The following ARMC7 variants were observed in gnomAD, a reference collection of about 807,000 sequenced individuals.
ARMC7 encodes armadillo repeat-containing protein 7.
ARMC7 carries 9 observed loss-of-function variants against 14.8 expected under a neutral mutation model. The ratio of observed to expected loss-of-function variants is 0.61; its 90% CI spans 0.37 to 1.06. ARMC7 has a LOEUF of 1.06. ARMC7 is among the 50% of genes least tolerant of loss of function. ARMC7 has a pLI of 0.01. For synonymous variants in ARMC7, 125 were observed against 123.4 expected (o/e 1.01, Z -0.09); for missense variants, 262 against 267.1 (o/e 0.98, Z 0.13).
In ARMC7 at chr17:75,128,764, C is replaced by A. The variant is rs777603204; in HGVS notation, c.323C>A (p.Ser108Tyr). The stretch of plus-strand genomic sequence containing the variant: ...GTCCCACTCATCATCAACTGCCTAT[C>A]CAGCCCCAATGAGGAGACGGTGCTG... ...GGVPLIINCL[S>Y]SPNEETVLSA... Residue 108 changes from serine to tyrosine, a missense_variant, in exon 3 of 3, where the codon TCC (serine) becomes TAC (tyrosine). Coordinates refer to ENST00000245543, the MANE Select transcript of ARMC7 (RefSeq NM_024585.4). 8 of 1,613,628 alleles carry A rather than the reference C, an allele frequency of 5.0e-6. No homozygotes were observed. The South Asian group carries it at 8.8e-5, about 18-fold the overall frequency.
rs150699573 is a variant in ARMC7 at position 75,117,950 on chromosome 17, G to A, written c.235+7344G>A. ...AGCCTGGCCAACATGGTGAAACCCC[G>A]TCTCTACTAAAAATACAAAATCTAG... On this transcript the variant is annotated intron_variant, in intron 2 of 2. Transcript: ENST00000245543. Among the ~76,000 whole-genome samples, 252 of 151,928 alleles carry A rather than the reference G, an allele frequency of 1.7e-3. 1 individual carries two copies. Among genetic ancestry groups the A allele is most frequent in the African/African-American group, 5.8e-3 (242 of 41,430 alleles).
At chr17:75,112,106 A>G (rs953911842) in intron 2 of ARMC7, among the ~76,000 whole-genome samples, 10 of 152,030 alleles carry the variant, frequency 6.6e-5, no homozygotes, top group Admixed American at 5.9e-4. Flanking sequence ...GGGACACAGC[A>G]TGGGCAAAGG....
chr17:75,114,690 T>C, intron 2 of ARMC7: 1 of 398,368 alleles, frequency 2.5e-6, no homozygotes, highest in Non-Finnish European at 4.4e-6. Context: ...TCCCAACCAT[T>C]TTTTTCCTCC....
At chr17:75,114,415 C>T in intron 2 of ARMC7, 2 of 395,300 alleles carry the variant, frequency 5.1e-6, no homozygotes, top group Non-Finnish European at 8.9e-6. Flanking sequence ...GCTATGGGGG[C>T]GGCGTGGGCC....
At chr17:75,114,286 G>A in intron 2 of ARMC7, 1 of 400,992 alleles carries the variant, frequency 2.5e-6, no homozygotes, top group Non-Finnish European at 4.4e-6. Context: ...ATTGGCGGAA[G>A]TCACAGAGCA....
intron 2 of ARMC7, among the ~76,000 whole-genome samples, chr17:75,124,385 AC>A (rs2074035993): frequency 6.6e-6 from 1 of 151,704 alleles, no homozygotes; most frequent in Admixed American, 6.6e-5. Context: ...TCCTGCCCCC[AC>A]CCTCTGGTTT....
Position 75,110,621 on chromosome 17 carries a change from C to T in ARMC7, c.235+15C>T. The T allele has an allele frequency of 1.9e-6, 3 of 1,613,866 alleles. No homozygotes were observed. Among genetic ancestry groups the T allele is most frequent in the Non-Finnish European group, 1.7e-6 (2 of 1,179,888 alleles). On this transcript the variant is annotated intron_variant, in intron 2 of 2. Coordinates refer to ENST00000245543, the MANE Select transcript of ARMC7 (RefSeq NM_024585.4). ...GTTTGCTATTGGTAAGGGCGGGGCC[C>T]GTTCCCTAGATGCCTAAATGGGCCA...
In ARMC7 at chr17:75,129,669, G is replaced by A. The variant is rs187081159; in HGVS notation, c.*631G>A. 3.3e-5 allele frequency: 5 copies of A among 152,664 alleles called. No homozygotes were observed. The highest frequency in any genetic ancestry group is 5.9e-5 in the Non-Finnish European group (4 of 68,330). The allele number at this position is 152,664 out of a possible 1,614,324, so 9.5% of individuals were successfully genotyped here. On this transcript the variant is annotated 3_prime_UTR_variant, in exon 3 of 3. Transcript: ENST00000245543. ...CACCATGACTCCAAGATGAAGATGT[G>A]GTCCCTGCCCTTGAGTGACAGCCCA...
intron 2 of ARMC7, among the ~76,000 whole-genome samples, chr17:75,112,742 ATTT>A (rs10577593): frequency 2.0e-4 from 30 of 146,412 alleles, no homozygotes; most frequent in South Asian, 2.2e-4. Context: ...TGCCCAGCTA[ATTT>A]TTTTTTTTTT....
At chr17:75,118,559 G>A (rs115883820) in intron 2 of ARMC7, among the ~76,000 whole-genome samples, 2,162 of 152,320 alleles carry the variant, frequency 0.014, 66 homozygotes, top group African/African-American at 0.049. Context: ...CGGCTACAGC[G>A]ACCGCGGAGA....
At chr17:75,112,928 C>T (rs180916481) in intron 2 of ARMC7, among the ~76,000 whole-genome samples, 7 of 152,168 alleles carry the variant, frequency 4.6e-5, no homozygotes, top group Non-Finnish European at 8.8e-5. Flanking sequence ...CTCATTGCCT[C>T]TTTGTGGTTT....
chr17:75,124,152 A>T (rs1036024308), intron 2 of ARMC7, among the ~76,000 whole-genome samples: 1 of 151,978 alleles, frequency 6.6e-6, no homozygotes, highest in Non-Finnish European at 1.5e-5. Flanking sequence ...TCCAGCTCAG[A>T]CTTCCTGCCC....
At chr17:75,127,805 G>A (rs2074063003) in intron 2 of ARMC7, among the ~76,000 whole-genome samples, 1 of 152,190 alleles carries the variant, frequency 6.6e-6, no homozygotes, top group African/African-American at 2.4e-5. Context: ...ATGTCGCCAA[G>A]GCTGGTCTCG....
At chr17:75,126,027 G>C (rs1222804589) in intron 2 of ARMC7, among the ~76,000 whole-genome samples, 1 of 152,176 alleles carries the variant, frequency 6.6e-6, no homozygotes, top group East Asian at 1.9e-4. Flanking sequence ...TCAGGTTCAG[G>C]TAAGTCTTCT....
intron 2 of ARMC7, among the ~76,000 whole-genome samples, chr17:75,123,617 T>C (rs980136462): frequency 4.6e-5 from 7 of 152,134 alleles, no homozygotes; most frequent in Admixed American, 2.0e-4. Context: ...CCTGAAGACA[T>C]TATTTTTAAG....
At chr17:75,117,843 G>A (rs535673419) in intron 2 of ARMC7, among the ~76,000 whole-genome samples, 5 of 152,244 alleles carry the variant, frequency 3.3e-5, no homozygotes, top group South Asian at 2.1e-4. Context: ...TCTTTAGGCC[G>A]GGTGTGGTGG....
At chr17:75,112,502 T>G (rs1435635968) in intron 2 of ARMC7, among the ~76,000 whole-genome samples, 1 of 152,074 alleles carries the variant, frequency 6.6e-6, no homozygotes. Flanking sequence ...TTTCCCCTCT[T>G]TACGTATGAT....
chr17:75,124,574 G>A (rs1175162525), intron 2 of ARMC7, among the ~76,000 whole-genome samples: 4 of 152,328 alleles, frequency 2.6e-5, no homozygotes, highest in South Asian at 2.1e-4. Context: ...GAGACATGCC[G>A]CGGGTGTGTC....
intron 2 of ARMC7, among the ~76,000 whole-genome samples, chr17:75,113,423 C>T (rs958455107): frequency 9.2e-5 from 14 of 151,466 alleles, no homozygotes; most frequent in Admixed American, 8.6e-4. Flanking sequence ...GGCGCGATCT[C>T]GGCTCACTGC....
Sources: allele counts gnomAD v4.1 joint callset (sites outside exome capture counted in the v4.1 genomes callset), GRCh38; gene constraint gnomAD v4.1.1; transcripts MANE v1.5; gene names NCBI Gene and HGNC (gene_info 2026-07-23, HGNC 2026-07-21).